MTOR: variants seen among roughly 807,000 people sequenced by gnomAD.
MTOR encodes serine/threonine-protein kinase mTOR.
In MTOR, 70 loss-of-function variants were observed where a neutral mutation model predicts 319.8. The observed-to-expected ratio is 0.22, with a 90% CI of 0.18 to 0.27. The LOEUF (loss-of-function observed/expected upper bound fraction) is 0.27. MTOR is among the 10% of genes least tolerant of loss of function. The pLI is 1.00. For missense variants in MTOR, 1,890 were observed against 3,274.4 expected, an observed-to-expected ratio of 0.58 and a Z score of 10.32; for synonymous variants, 1,183 against 1,211.4, an observed-to-expected ratio of 0.98 and a Z score of 0.49.
At chr1:11,179,385 A>G (rs1444279216) in intron 28 of MTOR, among the ~76,000 whole-genome samples, 2 of 152,260 alleles carry the variant, frequency 1.3e-5, no homozygotes, top group Admixed American at 1.3e-4. Flanking sequence ...TCTCTAAGTC[A>G]GCATAAGAGC....
intron 19 of MTOR, among the ~76,000 whole-genome samples, chr1:11,216,809 G>A (rs1427996633): frequency 6.6e-6 from 1 of 152,094 alleles, no homozygotes; most frequent in African/African-American, 2.4e-5. Flanking sequence ...CTCTTCCATG[G>A]GAAAATGGAG....
chr1:11,216,127 A>C (rs1260272146), intron 20 of MTOR, 21 bp downstream of exon 20: 4 of 1,584,738 alleles, frequency 2.5e-6, no homozygotes, highest in Non-Finnish European at 3.5e-6. Flanking sequence ...GGAAGAGGCC[A>C]AAGCATTAAC....
intron 6 of MTOR, among the ~76,000 whole-genome samples, chr1:11,248,691 T>C (rs1260816836): frequency 6.6e-6 from 1 of 152,080 alleles, no homozygotes; most frequent in Non-Finnish European, 1.5e-5. Flanking sequence ...TGGGCACCTG[T>C]AGTCCTGGCT....
chr1:11,111,103 CATT>C, intron 54 of MTOR: 1 of 455,834 alleles, frequency 2.2e-6, no homozygotes, highest in South Asian at 1.5e-5. Context: ...CCATGTATGA[CATT>C]ATAAGCCAGT....
At chr1:11,220,061 G>GAAAAAA (rs1214418546) in intron 19 of MTOR, among the ~76,000 whole-genome samples, 1 of 21,638 alleles carries the variant, frequency 4.6e-5, no homozygotes, top group Non-Finnish European at 8.1e-5. Flanking sequence ...GAAAAGAAAA[G>GAAAAAA]AAAGAAAAAA....
intron 28 of MTOR, among the ~76,000 whole-genome samples, chr1:11,198,897 A>G (rs1645873279): frequency 6.6e-6 from 1 of 152,226 alleles, no homozygotes; most frequent in Non-Finnish European, 1.5e-5. Flanking sequence ...TCTGAAGCCC[A>G]GGAACCAGCA....
intron 19 of MTOR, among the ~76,000 whole-genome samples, chr1:11,220,785 A>G (rs1005234098): frequency 6.6e-6 from 1 of 152,182 alleles, no homozygotes; most frequent in East Asian, 1.9e-4. Context: ...ACCTCATGTC[A>G]GAAATATAAC....
intron 53 of MTOR, among the ~76,000 whole-genome samples, chr1:11,114,038 G>C (rs1432625650): frequency 6.6e-6 from 1 of 152,098 alleles, no homozygotes; most frequent in African/African-American, 2.4e-5. Context: ...CACCATGATT[G>C]TAAGTTTCCT....
At chr1:11,150,049 G>C (rs1233285663) in intron 31 of MTOR, 77 bp downstream of exon 31, 3 of 1,312,308 alleles carry the variant, frequency 2.3e-6, no homozygotes, top group East Asian at 4.6e-5. Flanking sequence ...CCTAGAGCCA[G>C]CACCTTACTC....
intron 29 of MTOR, among the ~76,000 whole-genome samples, chr1:11,161,473 G>A (rs1188455445): frequency 6.6e-6 from 1 of 152,174 alleles, no homozygotes; most frequent in Non-Finnish European, 1.5e-5. Context: ...TCTGAGAGGC[G>A]ACAGACTGCC....
chr1:11,191,804 C>T (rs557319830), intron 28 of MTOR, among the ~76,000 whole-genome samples: 1 of 152,278 alleles, frequency 6.6e-6, no homozygotes, highest in South Asian at 2.1e-4. Flanking sequence ...GCAGTAGCCA[C>T]CATCTCTGAA....
At chr1:11,175,247 C>T (rs769175594) in intron 28 of MTOR, among the ~76,000 whole-genome samples, 11 of 152,092 alleles carry the variant, frequency 7.2e-5, no homozygotes, top group African/African-American at 1.9e-4. Context: ...CTGAACCTGG[C>T]GTTAGGAAGA....
At chr1:11,216,261 T>C in intron 19 of MTOR, 27 bp from the exon 20 acceptor site, 2 of 1,586,632 alleles carry the variant, frequency 1.3e-6, no homozygotes, top group Non-Finnish European at 1.7e-6. Flanking sequence ...GTCAACCAGC[T>C]GGTATCATGA....
intron 28 of MTOR, among the ~76,000 whole-genome samples, chr1:11,185,955 G>A (rs892373395): frequency 6.6e-6 from 1 of 151,874 alleles, no homozygotes. Context: ...GGTGGCAGGT[G>A]CCTGTAGTCC....
At chr1:11,216,298 T>A in intron 19 of MTOR, 64 bp from the exon 20 acceptor site, 2 of 1,238,424 alleles carry the variant, frequency 1.6e-6, no homozygotes, top group Non-Finnish European at 2.4e-6. Flanking sequence ...AGGCTTACCT[T>A]AAGCTCATGT....
At position 11,133,923 on chromosome 1, in the gene MTOR, G is replaced by A. The variant is rs971567220; in HGVS notation, c.5246+428C>T. 3.3e-5 allele frequency among the ~76,000 whole-genome samples: 5 copies of A among 152,120 alleles called. No individual in the cohort carries two copies. Among genetic ancestry groups the A allele is most frequent in the African/African-American group, 1.2e-4 (5 of 41,412 alleles). ...CAGGCTCTATGCCTGTTCTTTTGTA[G>A]AGACCTCATTTCTACAAAAAACTAG... On this transcript the variant is annotated intron_variant, in intron 37 of 57. Coordinates refer to ENST00000361445, the MANE Select transcript of MTOR (RefSeq NM_004958.4). This position sits in a 1 kb window ranked among gnomAD's most constrained non-coding sequence, Gnocchi z 4.0.
At chr1:11,231,664 C>A (rs187129890) in intron 16 of MTOR, among the ~76,000 whole-genome samples, 74 of 152,310 alleles carry the variant, frequency 4.9e-4, no homozygotes, top group African/African-American at 1.7e-3. Flanking sequence ...AAAATTCCCA[C>A]CTTTCTCAAA....
Position 11,154,663 on chromosome 1 carries a change from A to T in MTOR, c.4469+2489T>A, listed in dbSNP as rs188523264. ...AATAACAGCCAAACTTGGCAACATA[A>T]TGAGACCCTATCCCTACAAAAAATA... On this transcript the variant is annotated intron_variant, in intron 30 of 57. Coordinates refer to ENST00000361445, the MANE Select transcript of MTOR (RefSeq NM_004958.4). 7.8e-3 allele frequency among the ~76,000 whole-genome samples: 1,180 copies of T among 152,182 alleles called. 21 individuals carry two copies. The highest frequency in any genetic ancestry group is 0.027 in the African/African-American group (1,114 of 41,526).
At chr1:11,178,415 G>A (rs145678405) in intron 28 of MTOR, among the ~76,000 whole-genome samples, 2 of 152,296 alleles carry the variant, frequency 1.3e-5, no homozygotes, top group African/African-American at 2.4e-5. Context: ...TGTCAGAGGC[G>A]TGTTGTAAAA....
Sources: allele counts gnomAD v4.1 joint callset (sites outside exome capture counted in the v4.1 genomes callset), GRCh38; gene constraint gnomAD v4.1.1; non-coding constraint Gnocchi (gnomAD v3.1); transcripts MANE v1.5; gene names NCBI Gene and HGNC (gene_info 2026-07-23, HGNC 2026-07-21).